Variants in SLC24A3 observed in about 807,000 individuals in gnomAD.
SLC24A3 encodes the protein solute carrier family 24 member 3.
Under a neutral mutation model 75.8 loss-of-function variants are expected in SLC24A3, and 28 were observed. That is an observed-to-expected ratio of 0.37 (90% CI 0.27 to 0.51). The LOEUF (loss-of-function observed/expected upper bound fraction) is 0.51, where lower values mean the gene tolerates loss of function less well. Among genes scored for constraint, SLC24A3 ranks in the 20% least tolerant of loss-of-function variants. SLC24A3 has a pLI of 0.94. For synonymous variants in SLC24A3, 372 were observed against 334.1 expected, an observed-to-expected ratio of 1.11 and a Z score of -1.24; for missense variants, 663 against 847.8, an observed-to-expected ratio of 0.78 and a Z score of 2.71.
intron 1 of SLC24A3, among the ~76,000 whole-genome samples, chr20:19,249,611 G>A (rs1320640920): frequency 6.6e-6 from 1 of 151,928 alleles, no homozygotes; most frequent in Non-Finnish European, 1.5e-5. Context: ...TGTTTCTTTT[G>A]GTCATCTGTC....
At chr20:19,581,242 G>A (rs572474086) in intron 4 of SLC24A3, among the ~76,000 whole-genome samples, 2 of 152,278 alleles carry the variant, frequency 1.3e-5, no homozygotes, top group South Asian at 2.1e-4. Flanking sequence ...ACCTTATGTC[G>A]AAGGGGAGGA....
intron 15 of SLC24A3, among the ~76,000 whole-genome samples, chr20:19,701,708 T>C (rs1001349041): frequency 2.0e-5 from 3 of 152,190 alleles, no homozygotes; most frequent in Non-Finnish European, 4.4e-5. Flanking sequence ...CACTTCCCCA[T>C]TGACCTCTTA....
chr20:19,386,444 G>A (rs751729285), intron 2 of SLC24A3, among the ~76,000 whole-genome samples: 4 of 152,154 alleles, frequency 2.6e-5, no homozygotes, highest in East Asian at 1.9e-4. Flanking sequence ...AGAACTCCCA[G>A]TACTATATTG....
chr20:19,409,747 G>A (rs1986711260), intron 2 of SLC24A3, among the ~76,000 whole-genome samples: 1 of 151,542 alleles, frequency 6.6e-6, no homozygotes, highest in South Asian at 2.1e-4. Context: ...CTACTATGTT[G>A]AATTTTAAAA....
At chr20:19,407,695 C>T (rs146613343) in intron 2 of SLC24A3, among the ~76,000 whole-genome samples, 1 of 152,204 alleles carries the variant, frequency 6.6e-6, no homozygotes, top group African/African-American at 2.4e-5. Flanking sequence ...TAAACTATGC[C>T]CTTCTTTTCC....
intron 2 of SLC24A3, among the ~76,000 whole-genome samples, chr20:19,396,133 C>A (rs1007526835): frequency 3.4e-5 from 5 of 148,188 alleles, no homozygotes; most frequent in African/African-American, 1.3e-4. Flanking sequence ...ATCCTCGTTA[C>A]CAGATGTTTA....
At chr20:19,396,552 T>C (rs1986456906) in intron 2 of SLC24A3, among the ~76,000 whole-genome samples, 1 of 152,252 alleles carries the variant, frequency 6.6e-6, no homozygotes. Context: ...TGTCAGTGGC[T>C]ATCCTATTGA....
intron 3 of SLC24A3, among the ~76,000 whole-genome samples, chr20:19,550,784 A>T (rs371701528): frequency 5.9e-5 from 9 of 152,214 alleles, no homozygotes; most frequent in South Asian, 2.1e-4. Context: ...ACCATATTGA[A>T]GAAATGTAAA....
intron 2 of SLC24A3, among the ~76,000 whole-genome samples, chr20:19,391,285 G>C (rs994435669): frequency 6.6e-6 from 1 of 152,294 alleles, no homozygotes. Flanking sequence ...ACCACCAGTA[G>C]TGTCTTGATG....
rs187687535 is a variant in SLC24A3 at position 19,252,603 on chromosome 20, C to G, written c.143-28356C>G. Among the ~76,000 whole-genome samples, 422 of 146,704 alleles carry G rather than the reference C, an allele frequency of 2.9e-3. 4 individuals are homozygous for G. Among genetic ancestry groups the G allele is most frequent in the African/African-American group, 1.0e-2 (396 of 39,618 alleles). Reference sequence around the variant, plus strand: ...TTCAAAGCTGTTCTCTTTTCTCTCTCTTTCAGCTTAAAAAAACAAAAAGCC... The same window carrying G: ...TTCAAAGCTGTTCTCTTTTCTCTCTGTTTCAGCTTAAAAAAACAAAAAGCC... On this transcript the variant is annotated intron_variant, in intron 1 of 16. Coordinates refer to ENST00000328041, the MANE Select transcript of SLC24A3 (RefSeq NM_020689.4).
chr20:19,486,963 A>C (rs972468968), intron 2 of SLC24A3, among the ~76,000 whole-genome samples: 1 of 152,218 alleles, frequency 6.6e-6, no homozygotes, highest in South Asian at 2.1e-4. Flanking sequence ...TCTGGAGGGC[A>C]GTTAGAGGTA....
At chr20:19,602,089 G>A (rs2031534757) in intron 6 of SLC24A3, among the ~76,000 whole-genome samples, 1 of 152,084 alleles carries the variant, frequency 6.6e-6, no homozygotes. Context: ...CAGGAGAATC[G>A]CTTGAACCTG....
At chr20:19,685,021 A>G (rs761595100) in intron 11 of SLC24A3, 79 bp from the exon 12 acceptor site, 2 of 1,499,524 alleles carry the variant, frequency 1.3e-6, no homozygotes, top group Non-Finnish European at 1.8e-6. Context: ...CCAGGGAAAG[A>G]TCCCAACAGC....
chr20:19,430,024 C>G (rs971386101), intron 2 of SLC24A3, among the ~76,000 whole-genome samples: 1 of 152,122 alleles, frequency 6.6e-6, no homozygotes, highest in East Asian at 1.9e-4. Flanking sequence ...AAAGGCATCT[C>G]TGGGGAAGCC....
At chr20:19,421,907 T>G (rs760297745) in intron 2 of SLC24A3, among the ~76,000 whole-genome samples, 1 of 152,158 alleles carries the variant, frequency 6.6e-6, no homozygotes, top group African/African-American at 2.4e-5. Context: ...CAGGGAACTC[T>G]TCGCACCTGG....
At chr20:19,317,285 A>G (rs995449004) in intron 2 of SLC24A3, among the ~76,000 whole-genome samples, 28 of 152,252 alleles carry the variant, frequency 1.8e-4, no homozygotes, top group African/African-American at 6.8e-4. Context: ...CAAAAATGCC[A>G]AAAGCAATTG....
chr20:19,507,921 C>T (rs1279903033), intron 2 of SLC24A3, among the ~76,000 whole-genome samples: 1 of 152,176 alleles, frequency 6.6e-6, no homozygotes, highest in Admixed American at 6.5e-5. Context: ...GTATCCCAGC[C>T]TGGTGGGTGC....
At chr20:19,291,275 C>G (rs962295328) in intron 2 of SLC24A3, among the ~76,000 whole-genome samples, 4 of 152,298 alleles carry the variant, frequency 2.6e-5, no homozygotes, top group Non-Finnish European at 4.4e-5. Flanking sequence ...GTCTCTCTCC[C>G]CAAAGGCTCT....
At chr20:19,490,803 C>G (rs1988199037) in intron 2 of SLC24A3, among the ~76,000 whole-genome samples, 1 of 152,154 alleles carries the variant, frequency 6.6e-6, no homozygotes, top group African/African-American at 2.4e-5. Flanking sequence ...TTATATCTCC[C>G]ATCCTTGCTC....
Sources: gnomAD v4.1 joint callset for allele counts (sites outside exome capture counted in the v4.1 genomes callset) on GRCh38, gnomAD v4.1.1 for gene constraint, MANE v1.5 for transcripts, NCBI Gene and HGNC (gene_info 2026-07-23, HGNC 2026-07-21) for gene names.